NOVA1: variants seen among roughly 807,000 people sequenced by gnomAD.
The protein encoded by NOVA1 is NOVA alternative splicing regulator 1.
Under a neutral mutation model 38.0 loss-of-function variants are expected in NOVA1, and 7 were observed. That is an observed-to-expected ratio of 0.18 (90% CI 0.10 to 0.35). The LOEUF (loss-of-function observed/expected upper bound fraction) is 0.35. Ranked by LOEUF, NOVA1 falls within the 10% of genes least tolerant of loss-of-function variation. The probability of loss-of-function intolerance (pLI) is 1.00; values close to 1 mark genes in which losing one functional copy is unlikely to be tolerated. For missense variants in NOVA1, 460 were observed against 616.0 expected, an observed-to-expected ratio of 0.75 and a Z score of 2.68; for synonymous variants, 270 against 232.5, an observed-to-expected ratio of 1.16 and a Z score of -1.47.
intron 2 of NOVA1, among the ~76,000 whole-genome samples, chr14:26,564,086 A>G (rs1891985628): frequency 1.3e-5 from 2 of 152,130 alleles, no homozygotes; most frequent in Admixed American, 1.3e-4. Flanking sequence ...TAGTTCCAGA[A>G]CCCATGGTCT....
chr14:26,509,275 G>A (rs1279745446), intron 2 of NOVA1, among the ~76,000 whole-genome samples: 1 of 152,036 alleles, frequency 6.6e-6, no homozygotes, highest in Non-Finnish European at 1.5e-5. Context: ...ACCAGAGTAT[G>A]GAATAATCAC....
At chr14:26,529,010 G>C (rs571551481) in intron 2 of NOVA1, among the ~76,000 whole-genome samples, 2 of 152,252 alleles carry the variant, frequency 1.3e-5, no homozygotes, top group South Asian at 2.1e-4. Flanking sequence ...CTTGGCTCTG[G>C]ATGAGGAGCT....
At chr14:26,565,208 T>C (rs966817620) in intron 2 of NOVA1, among the ~76,000 whole-genome samples, 2 of 152,212 alleles carry the variant, frequency 1.3e-5, no homozygotes, top group Non-Finnish European at 2.9e-5. Flanking sequence ...TGTACTTTTA[T>C]ACTCCTGCAG....
chr14:26,561,434 T>C (rs544206431), intron 2 of NOVA1, among the ~76,000 whole-genome samples: 1 of 152,326 alleles, frequency 6.6e-6, no homozygotes, highest in East Asian at 1.9e-4. Context: ...CAGAAATGCA[T>C]CCTATCACAA....
At chr14:26,453,078 T>C (rs902995047) in intron 4 of NOVA1, among the ~76,000 whole-genome samples, 13 of 152,222 alleles carry the variant, frequency 8.5e-5, no homozygotes, top group Admixed American at 7.2e-4. Context: ...ACCAAGTATT[T>C]CCATAAATTT....
At chr14:26,459,007 C>T (rs1056763789) in intron 4 of NOVA1, among the ~76,000 whole-genome samples, 2 of 152,024 alleles carry the variant, frequency 1.3e-5, no homozygotes, top group South Asian at 4.1e-4. Flanking sequence ...TATTTTTATA[C>T]AATTAGTGTG....
chr14:26,470,136 A>AT, intron 4 of NOVA1: 3 of 684,784 alleles, frequency 4.4e-6, no homozygotes, highest in Non-Finnish European at 3.8e-6. Context: ...TGTATTTTTT[A>AT]TTTTTGGTTT....
chr14:26,553,114 G>C (rs1891261298), intron 2 of NOVA1, among the ~76,000 whole-genome samples: 2 of 152,186 alleles, frequency 1.3e-5, no homozygotes, highest in Admixed American at 1.3e-4. Flanking sequence ...CTTCACTGTA[G>C]CTAGGAAGAA....
At position 26,597,618 on chromosome 14, in the gene NOVA1, A is replaced by C; in HGVS notation, c.-182T>G. 8.6e-7 allele frequency: 1 copy of C among 1,167,984 alleles called. No individual in the cohort carries two copies. Among genetic ancestry groups the C allele is most frequent in the African/African-American group, 1.8e-5 (1 of 54,114 alleles). 72.4% of individuals were successfully genotyped at this position (1,167,984 alleles called of 1,614,324 possible). A position where few individuals can be genotyped will look rare whatever the true frequency, so the allele number is the denominator to read the frequency against. On this transcript the variant is annotated 5_prime_UTR_variant, in exon 1 of 5. Coordinates refer to ENST00000539517, the MANE Select transcript of NOVA1 (RefSeq NM_002515.3). ...AAAGCAATGTTGCTGGTTTGTTCTC[A>C]CTGGGGAGGGGGCAGGGCTGAGGAG...
intron 4 of NOVA1, among the ~76,000 whole-genome samples, chr14:26,465,083 T>C (rs1203911479): frequency 3.3e-5 from 5 of 152,212 alleles, no homozygotes. Context: ...GTCACGATAT[T>C]TCTAGGACCT....
At chr14:26,597,266 G>A (rs752101122) in intron 1 of NOVA1, 35 bp downstream of exon 1, 3 of 1,051,806 alleles carry the variant, frequency 2.9e-6, no homozygotes, top group Non-Finnish European at 3.6e-6. Context: ...GGCGGCGGGG[G>A]ATGGGGCCAG....
intron 2 of NOVA1, among the ~76,000 whole-genome samples, chr14:26,483,128 T>A (rs967614576): frequency 6.6e-6 from 1 of 152,258 alleles, no homozygotes; most frequent in South Asian, 2.1e-4. Context: ...CAGTATTAAA[T>A]GCTAAAAATG....
At chr14:26,511,744 G>A (rs61986474) in intron 2 of NOVA1, among the ~76,000 whole-genome samples, 30,734 of 150,292 alleles carry the variant, frequency 0.2, 3,391 homozygotes, top group East Asian at 0.39. Flanking sequence ...GAGTGAGACT[G>A]TGTCTCAAAA....
At chr14:26,566,686 T>C (rs1233840358) in intron 2 of NOVA1, among the ~76,000 whole-genome samples, 1 of 152,078 alleles carries the variant, frequency 6.6e-6, no homozygotes, top group Non-Finnish European at 1.5e-5. Flanking sequence ...TAAAATAACA[T>C]GTGCTAAGAA....
intron 2 of NOVA1, among the ~76,000 whole-genome samples, chr14:26,530,020 C>T (rs966291078): frequency 2.0e-5 from 3 of 152,158 alleles, no homozygotes; most frequent in Admixed American, 6.5e-5. Flanking sequence ...CCCGGGTTCA[C>T]GCCATTCTCC....
chr14:26,580,389 A>G (rs1180279433), intron 2 of NOVA1, among the ~76,000 whole-genome samples: 4 of 152,154 alleles, frequency 2.6e-5, no homozygotes, highest in African/African-American at 9.6e-5. Context: ...ATAAATCCAT[A>G]TGTTTCACAT....
chr14:26,451,398 T>A (rs1882663199), intron 4 of NOVA1, among the ~76,000 whole-genome samples: 2 of 152,132 alleles, frequency 1.3e-5, no homozygotes, highest in South Asian at 4.1e-4. Flanking sequence ...GACGGAGTCT[T>A]GCTCTGTTGC....
At chr14:26,462,783 T>C (rs1360900615) in intron 4 of NOVA1, among the ~76,000 whole-genome samples, 1 of 152,174 alleles carries the variant, frequency 6.6e-6, no homozygotes, top group Non-Finnish European at 1.5e-5. Flanking sequence ...CTTTAAAGCA[T>C]ATGTAATGTC....
chr14:26,591,080 T>C (rs1209550284), intron 2 of NOVA1, among the ~76,000 whole-genome samples: 1 of 151,766 alleles, frequency 6.6e-6, no homozygotes. Context: ...GTAATGTTAA[T>C]ACAGATTGCG....
Sources: allele counts gnomAD v4.1 joint callset (sites outside exome capture counted in the v4.1 genomes callset), GRCh38; gene constraint gnomAD v4.1.1; transcripts MANE v1.5; gene names NCBI Gene and HGNC (gene_info 2026-07-23, HGNC 2026-07-21).